The following ZNF142 variants were observed in gnomAD, a reference collection of about 807,000 sequenced individuals.
The protein encoded by ZNF142 is zinc finger protein 142 (clone pHZ-49).
ZNF142 carries 96 observed loss-of-function variants against 132.1 expected under a neutral mutation model. That is an observed-to-expected ratio of 0.73 (90% CI 0.62 to 0.86). ZNF142 has a LOEUF of 0.86. Ranked by LOEUF, ZNF142 falls within the 40% of genes least tolerant of loss-of-function variation. The pLI is 0.00. For missense variants in ZNF142, 2,163 were observed against 2,336.2 expected, an observed-to-expected ratio of 0.93 and a Z score of 1.53; for synonymous variants, 842 against 890.1, an observed-to-expected ratio of 0.95 and a Z score of 0.96.
rs925256164 is a variant in ZNF142, at chr2:218,636,786, A to T, written c.*1553T>A. On this transcript the variant is annotated 3_prime_UTR_variant, in exon 11 of 11. Coordinates refer to ENST00000411696, the MANE Select transcript of ZNF142 (RefSeq NM_001379659.1). ...TTTTCTTCCCTTCCTTTGTTTTCATAAGCCTTTGGTATCTTTCCTGCCCTT... is the reference window on the plus strand; with the variant it reads ...TTTTCTTCCCTTCCTTTGTTTTCATTAGCCTTTGGTATCTTTCCTGCCCTT... 13 of 637,410 alleles carry T rather than the reference A, an allele frequency of 2.0e-5. No individual in the cohort carries two copies. In the African/African-American group the frequency reaches 2.2e-4, roughly 11 times the overall value. 39.5% of individuals were successfully genotyped at this position (637,410 alleles called of 1,614,324 possible).
At chr2:218,656,873 A>G (rs566236559) in intron 3 of ZNF142, among the ~76,000 whole-genome samples, 2 of 147,752 alleles carry the variant, frequency 1.4e-5, no homozygotes, top group East Asian at 4.0e-4. Context: ...GCTGGAGTGC[A>G]GTGGCGTGAT....
At position 218,634,325 on chromosome 2, in the gene ZNF142, G is replaced by A. The variant is rs1157931873; in HGVS notation, c.*4014C>T. 5 of 1,573,396 alleles carry A rather than the reference G, an allele frequency of 3.2e-6. No individual in the cohort carries two copies. The highest frequency in any genetic ancestry group is 4.3e-6 in the Non-Finnish European group (5 of 1,158,956). ...TGGGGAATGCTCAAGAAAATTGCTA[G>A]GCTGAGAAATGCTATCAGTGGATAT... is the stretch of plus-strand genomic sequence containing the variant. On this transcript the variant is annotated 3_prime_UTR_variant, in exon 11 of 11. Transcript: ENST00000411696. The surrounding 1 kb of genome is among the most constrained non-coding windows in gnomAD (Gnocchi z 4.0).
In ZNF142 at chr2:218,644,488, C is replaced by T. The variant is rs746588401; in HGVS notation, c.2628G>A (p.Gly876=). The change falls in exon 9 of 11, where the codon GGG becomes GGA. Residue 876 remains glycine (G), a synonymous_variant. Transcript: ENST00000411696. This position sits in a 1 kb window ranked among gnomAD's most constrained non-coding sequence, Gnocchi z 4.6. ...GRQEGSEAPH[G]GDLGGSPSPA... is the part of the protein sequence containing the mutation. Reference sequence around the variant, plus strand: ...GGCTGGGACTGCCACCCAGGTCACCCCCATGGGGAGCCTCACTGCCCTCCT... The same window carrying T: ...GGCTGGGACTGCCACCCAGGTCACCTCCATGGGGAGCCTCACTGCCCTCCT... 2.3e-5 allele frequency: 37 copies of T among 1,613,864 alleles called. No individual in the cohort carries two copies. The highest frequency in any genetic ancestry group is 3.1e-5 in the Non-Finnish European group (36 of 1,180,032).
At chr2:218,647,529 C>G (rs1389137308) in intron 7 of ZNF142, among the ~76,000 whole-genome samples, 1 of 150,906 alleles carries the variant, frequency 6.6e-6, no homozygotes, top group East Asian at 2.0e-4. Flanking sequence ...ACAGAGAAAT[C>G]ATAGAGCCAT....
Position 218,643,926 on chromosome 2 carries a change from C to T in ZNF142, c.3190G>A (p.Glu1064Lys). The T allele has an allele frequency of 2.5e-6, 4 of 1,614,134 alleles. No homozygotes were observed. The highest frequency in any genetic ancestry group is 3.4e-6 in the Non-Finnish European group (4 of 1,179,990). The change falls in exon 9 of 11, where the codon GAG (glutamate) becomes AAG (lysine). Residue 1064 changes from glutamate (E) to lysine (K), a missense_variant. Coordinates refer to ENST00000411696, the MANE Select transcript of ZNF142 (RefSeq NM_001379659.1). ...CCACACTCGGGGCACAGCAGGGGCT[C>T]TCGGCGGCCTTGGCACCCAGTCCTG... ...HSRTGCQGRREPLLCPECGAS... is the reference protein window; with the variant it reads ...HSRTGCQGRRKPLLCPECGAS...
At chr2:218,657,613 A>G (rs1474990755) in intron 3 of ZNF142, among the ~76,000 whole-genome samples, 4 of 152,148 alleles carry the variant, frequency 2.6e-5, no homozygotes, top group African/African-American at 4.8e-5. Context: ...TATTTTTAGT[A>G]GAGATGGGGT....
chr2:218,651,791 G>GT lies in ZNF142; in HGVS notation c.789dup (p.Leu264ThrfsTer56), dbSNP rs1938018843. ...TGGCTCCGCTGATGCTGCCGGAAGAGTTTGACGTTGGAGCCTATGAAGCTG... is the reference window on the plus strand; with the variant it reads ...TGGCTCCGCTGATGCTGCCGGAAGAGTTTTGACGTTGGAGCCTATGAAGCTG... On this transcript the variant is annotated frameshift_variant, in exon 5 of 11. Coordinates refer to ENST00000411696, the MANE Select transcript of ZNF142 (RefSeq NM_001379659.1). LOFTEE classifies it high-confidence loss of function. 4 of 1,289,908 alleles carry GT rather than the reference G, an allele frequency of 3.1e-6. No homozygotes were observed. Among genetic ancestry groups the GT allele is most frequent in the Non-Finnish European group, 4.0e-6 (4 of 988,894 alleles). 79.9% of individuals were successfully genotyped at this position (1,289,908 alleles called of 1,614,324 possible).
At position 218,643,233 on chromosome 2, in the gene ZNF142, G is replaced by C; in HGVS notation, c.3883C>G (p.Leu1295Val). 1 of 1,614,238 alleles carries C rather than the reference G, an allele frequency of 6.2e-7. No homozygotes were observed. The highest frequency in any genetic ancestry group is 1.3e-5 in the African/African-American group (1 of 75,072). Residue 1295 changes from leucine (L) to valine (V), a missense_variant, in exon 9 of 11, where the codon CTG (leucine) becomes GTG (valine). Leu to Val is a conservative substitution (Grantham distance 32, BLOSUM62 1). Transcript: ENST00000411696. ...CGAGCCCCCTTCTGCTTTTGAACCAGAACTGTATCCCCATCACCAGAGCTG... is the reference window on the plus strand; with the variant it reads ...CGAGCCCCCTTCTGCTTTTGAACCACAACTGTATCCCCATCACCAGAGCTG... ...ESSSGDGDTV[L>V]VQKQKGARFS... is the part of the protein sequence containing the mutation.
intron 8 of ZNF142, 53 bp downstream of exon 8, chr2:218,646,109 AGAGGAAGCT>A: frequency 6.4e-7 from 1 of 1,574,648 alleles, no homozygotes; most frequent in Non-Finnish European, 8.6e-7. Context: ...GTTAGATCCG[AGAGGAAGCT>A]AGCTTGGCTA....
At chr2:218,656,501 G>C (rs1938517664) in intron 3 of ZNF142, 38 bp from the exon 4 acceptor site, 1 of 1,399,912 alleles carries the variant, frequency 7.1e-7, no homozygotes, top group Non-Finnish European at 9.4e-7. Flanking sequence ...AGTAAGGTTA[G>C]AGTTCTTACT....
At position 218,656,285 on chromosome 2, in the gene ZNF142, G is replaced by A; in HGVS notation, c.145C>T (p.Pro49Ser). The change falls in exon 4 of 11, where the codon CCT (proline) becomes TCT (serine). Residue 49 changes from proline to serine, a missense_variant. By Grantham distance (74) the Pro-to-Ser change is moderately conservative. Transcript: ENST00000411696. ...CCTGGCTCAGTAGGTATAGGTGCAGGGTCCCGGGAAGGACAGGGGCTCTGG... is the reference window on the plus strand; with the variant it reads ...CCTGGCTCAGTAGGTATAGGTGCAGAGTCCCGGGAAGGACAGGGGCTCTGG... Reference protein sequence around the residue: ...PVQSPCPSRDPAPIPTEPGCL... With the variant: ...PVQSPCPSRDSAPIPTEPGCL... 1 of 1,613,016 alleles carries A rather than the reference G, an allele frequency of 6.2e-7. No individual in the cohort carries two copies. The highest frequency in any genetic ancestry group is 8.5e-7 in the Non-Finnish European group (1 of 1,179,460).
rs1697608668 is a variant in ZNF142 at position 218,645,006 on chromosome 2, T to G, written c.2110A>C (p.Lys704Gln). The G allele has an allele frequency of 6.2e-7, 1 of 1,613,884 alleles. No homozygotes were observed. The highest frequency in any genetic ancestry group is 1.7e-5 in the Admixed American group (1 of 60,004). Residue 704 changes from lysine (K) to glutamine (Q), a missense_variant, in exon 9 of 11, where the codon AAG (lysine) becomes CAG (glutamine). Lys to Gln is a moderately conservative substitution (Grantham distance 53, BLOSUM62 1). Coordinates refer to ENST00000411696, the MANE Select transcript of ZNF142 (RefSeq NM_001379659.1). ...CHRADQLSSH[K>Q]LRHQGKSLMC... Reference sequence around the variant, plus strand: ...AGAGACTTGCCCTGATGCCGCAGCTTGTGGCTGCTCAGCTGATCAGCCCGG... The same window carrying G: ...AGAGACTTGCCCTGATGCCGCAGCTGGTGGCTGCTCAGCTGATCAGCCCGG...
At position 218,633,788 on chromosome 2, in the gene ZNF142, A is replaced by T. The variant is rs927874722; in HGVS notation, c.*4551T>A. On this transcript the variant is annotated 3_prime_UTR_variant, in exon 11 of 11. Coordinates refer to ENST00000411696, the MANE Select transcript of ZNF142 (RefSeq NM_001379659.1). ...TCAGGACCAAAATGGAGGGATGGGG[A>T]GGGAAGTGGGATGGATAGGTTCAGG... 6.2e-7 allele frequency: 1 copy of T among 1,612,462 alleles called. No individual in the cohort carries two copies. The highest frequency in any genetic ancestry group is 1.1e-5 in the South Asian group (1 of 90,990).
intron 3 of ZNF142, among the ~76,000 whole-genome samples, chr2:218,656,957 C>T (rs1400407229): frequency 6.6e-6 from 1 of 151,930 alleles, no homozygotes; most frequent in Non-Finnish European, 1.5e-5. Flanking sequence ...AGCTGGACTA[C>T]AGGCATGTGC....
At position 218,652,085 on chromosome 2, in the gene ZNF142, A is replaced by G. The variant is rs1938056711; in HGVS notation, c.496T>C (p.Cys166Arg). 2 of 454,972 alleles carry G rather than the reference A, an allele frequency of 4.4e-6. No individual in the cohort carries two copies. The highest frequency in any genetic ancestry group is 8.8e-6 in the Non-Finnish European group (2 of 226,620). The allele number at this position is 454,972 out of a possible 1,614,324, so 28.2% of individuals were successfully genotyped here. The change falls in exon 5 of 11, where the codon TGC becomes CGC. Residue 166 changes from cysteine (C) to arginine (R), a missense_variant. By Grantham distance (180) the Cys-to-Arg change is radical. Around this residue, in one of 7 missense-constraint regions of ZNF142, gnomAD observed 195 missense variants for 172.4 expected, o/e 1.13. Transcript: ENST00000411696. ...GQSPPVSPLS[C>R]PVCRQEFAQP... ...GCAAACTCCTGTCTACACACAGGGCATGATAGGGGGCTAACTGGCGGGCTC... is the reference window on the plus strand; with the variant it reads ...GCAAACTCCTGTCTACACACAGGGCGTGATAGGGGGCTAACTGGCGGGCTC...
At chr2:218,656,009 G>T in intron 4 of ZNF142, 141 bp downstream of exon 4, 1 of 1,163,038 alleles carries the variant, frequency 8.6e-7, no homozygotes, top group Non-Finnish European at 1.1e-6. Context: ...TGCACCAACT[G>T]CAAACCAAAT....
Position 218,643,227 on chromosome 2 carries a change from G to C in ZNF142, c.3889C>G (p.Gln1297Glu). ...SSGDGDTVLVQKQKGARFSCP... is the reference protein window; with the variant it reads ...SSGDGDTVLVEKQKGARFSCP... ...GAGAAGCGAGCCCCCTTCTGCTTTT[G>C]AACCAGAACTGTATCCCCATCACCA... The change falls in exon 9 of 11, where the codon CAA (glutamine) becomes GAA (glutamate). Residue 1297 changes from glutamine to glutamate, a missense_variant. Coordinates refer to ENST00000411696, the MANE Select transcript of ZNF142 (RefSeq NM_001379659.1). 6.2e-7 allele frequency: 1 copy of C among 1,614,224 alleles called. No homozygotes were observed. The highest frequency in any genetic ancestry group is 8.5e-7 in the Non-Finnish European group (1 of 1,180,028).
At chr2:218,646,147 C>T (rs758727436) in intron 8 of ZNF142, 24 bp downstream of exon 8, 16 of 1,605,010 alleles carry the variant, frequency 1.0e-5, no homozygotes, top group Admixed American at 1.7e-5. Flanking sequence ...GGGATTGGGA[C>T]GGAGGCCTAT....
chr2:218,640,232 C>T (rs3845836), intron 10 of ZNF142, among the ~76,000 whole-genome samples: 91,023 of 151,932 alleles, frequency 0.6, 27,470 homozygotes, highest in East Asian at 0.82. Context: ...CTTTCAAGAA[C>T]CGGGTTTGTG....
Sources: gnomAD v4.1 joint callset for allele counts (sites outside exome capture counted in the v4.1 genomes callset) on GRCh38, gnomAD v4.1.1 for gene constraint, gnomAD v4.1.1 regional missense constraint, Gnocchi (gnomAD v3.1) non-coding constraint, MANE v1.5 for transcripts, NCBI Gene and HGNC (gene_info 2026-07-23, HGNC 2026-07-21) for gene names.